ZBBX: variants seen among roughly 807,000 people sequenced by gnomAD.
The protein encoded by ZBBX is zinc finger B-box domain containing, also known as zinc finger B-box domain-containing protein 1.
A neutral mutation model predicts 108.5 loss-of-function variants in ZBBX; 101 were observed. The ratio of observed to expected loss-of-function variants is 0.93; its 90% confidence interval spans 0.79 to 1.10. The LOEUF is 1.10. Among genes scored for constraint, ZBBX ranks in the 50% least tolerant of loss-of-function variants. The probability of loss-of-function intolerance (pLI) is 0.00; values close to 1 mark genes in which losing one functional copy is unlikely to be tolerated. For missense variants in ZBBX, 1,009 were observed against 941.4 expected, an observed-to-expected ratio of 1.07 and a Z score of -0.94; for synonymous variants, 356 against 323.4, an observed-to-expected ratio of 1.10 and a Z score of -1.08.
At chr3:167,391,953 A>G (rs1748095758) in intron 1 of ZBBX, among the ~76,000 whole-genome samples, 1 of 151,730 alleles carries the variant, frequency 6.6e-6, no homozygotes, top group Non-Finnish European at 1.5e-5. Flanking sequence ...TGAAATCAAT[A>G]CTCTCACCTA....
chr3:167,186,098 TTTAACAATTTTATTATATCTTATAC>T, the ZBBX span, among the ~76,000 whole-genome samples: 1 of 151,800 alleles, frequency 6.6e-6, no homozygotes, highest in South Asian at 2.1e-4. Context: ...CAATTGAAGC[TTTAACAATTTTATTATATCTTATAC>T]TTACTGGTAG....
intron 5 of ZBBX, chr3:167,366,820 A>G (rs989580365): frequency 2.2e-6 from 1 of 455,932 alleles, no homozygotes; most frequent in African/African-American, 2.0e-5. Flanking sequence ...TCAGATGAGT[A>G]TCATGATCCA....
the ZBBX span, among the ~76,000 whole-genome samples, chr3:167,202,933 T>C: frequency 1.3e-5 from 2 of 152,122 alleles, no homozygotes; most frequent in African/African-American, 4.8e-5. Context: ...TATCTTACAA[T>C]AGGGAATAGT....
At chr3:167,230,749 G>A in the ZBBX span, among the ~76,000 whole-genome samples, 1 of 151,750 alleles carries the variant, frequency 6.6e-6, no homozygotes, top group African/African-American at 2.4e-5. Context: ...ATGAGCTTTG[G>A]AAGCGATTGG....
intron 12 of ZBBX, among the ~76,000 whole-genome samples, chr3:167,318,945 C>A (rs775028363): frequency 6.6e-6 from 1 of 151,734 alleles, no homozygotes; most frequent in Non-Finnish European, 1.5e-5. Context: ...GAAAAAAAAA[C>A]TGAATACCAA....
At chr3:167,181,643 A>C in the ZBBX span, among the ~76,000 whole-genome samples, 1 of 152,092 alleles carries the variant, frequency 6.6e-6, no homozygotes, top group African/African-American at 2.4e-5. Flanking sequence ...CTGTTCGTTT[A>C]ATTTCACTTT....
the ZBBX span, among the ~76,000 whole-genome samples, chr3:167,204,974 T>C: frequency 6.6e-6 from 1 of 151,552 alleles, no homozygotes. Flanking sequence ...GTTCTTACTA[T>C]TGATGGAGAA....
intron 20 of ZBBX, among the ~76,000 whole-genome samples, chr3:167,279,362 C>T (rs1313194888): frequency 6.6e-6 from 1 of 151,740 alleles, no homozygotes; most frequent in Non-Finnish European, 1.5e-5. Context: ...TGTCTCAGCC[C>T]AAAATCTCCT....
At position 167,317,599 on chromosome 3, in the gene ZBBX, T is replaced by C. The variant is rs769194974; in HGVS notation, c.984-2A>G. 6.3e-7 allele frequency: 1 copy of C among 1,597,378 alleles called. No homozygotes were observed. The highest frequency in any genetic ancestry group is 8.5e-7 in the Non-Finnish European group (1 of 1,171,160). ...TTAAAAAGTTGCTCTTGTGGAGTTC[T>C]ACAAAATAAGAAAGAAGCAATTAAG... On this transcript the variant is annotated splice_acceptor_variant, in intron 12 of 21. Transcript: ENST00000675490. LOFTEE classifies it high-confidence loss of function.
At chr3:167,282,548 T>TGGCCGAATAGGA in intron 19 of ZBBX, 53 bp from the exon 20 acceptor site, 2 of 1,435,556 alleles carry the variant, frequency 1.4e-6, no homozygotes, top group South Asian at 2.6e-5. Flanking sequence ...TTTGAATGAG[T>TGGCCGAATAGGA]ACTTAAAGAT....
At position 167,368,022 on chromosome 3, in the gene ZBBX, T is replaced by C. The variant is rs889818984; in HGVS notation, c.182+439A>G. On this transcript the variant is annotated intron_variant, in intron 5 of 21. Transcript: ENST00000675490. ...TATGTAATAGCATTTATTTTTCAGA[T>C]CTTCATTATGTATATATATGTGAAC... is the stretch of plus-strand genomic sequence containing the variant. Among the ~76,000 whole-genome samples, 6 of 148,144 alleles carry C rather than the reference T, an allele frequency of 4.1e-5. No individual in the cohort carries two copies. The East Asian group carries it at 7.9e-4, about 19-fold the overall frequency.
intron 20 of ZBBX, among the ~76,000 whole-genome samples, chr3:167,257,360 A>T (rs1039544301): frequency 1.3e-5 from 2 of 152,122 alleles, no homozygotes; most frequent in African/African-American, 2.4e-5. Flanking sequence ...ACAAACAAGG[A>T]TTATTTAATT....
the ZBBX span, among the ~76,000 whole-genome samples, chr3:167,226,701 A>G: frequency 1.3e-5 from 2 of 151,580 alleles, no homozygotes. Flanking sequence ...GTCTTTTCTC[A>G]TGCTTCAGAT....
chr3:167,274,293 T>C (rs551817769), intron 20 of ZBBX, among the ~76,000 whole-genome samples: 49 of 152,310 alleles, frequency 3.2e-4, no homozygotes, highest in Admixed American at 9.2e-4. Context: ...TCTCTTGCAG[T>C]CATGATAGGT....
intron 9 of ZBBX, among the ~76,000 whole-genome samples, chr3:167,339,521 C>T (rs1740164439): frequency 6.6e-6 from 1 of 152,082 alleles, no homozygotes; most frequent in African/African-American, 2.4e-5. Flanking sequence ...AGTGTTTTAA[C>T]TAGGATTTGT....
chr3:167,252,315 G>A (rs1171761490), intron 20 of ZBBX: 3 of 671,450 alleles, frequency 4.5e-6, no homozygotes, highest in African/African-American at 3.8e-5. Context: ...CAGTGGTGTG[G>A]AGGTGTATGT....
chr3:167,333,724 A>C (rs1313693238), intron 10 of ZBBX, 103 bp downstream of exon 10: 2 of 1,024,904 alleles, frequency 2.0e-6, no homozygotes, highest in East Asian at 2.6e-5. Context: ...TAAAAATGTG[A>C]TGAAATTATT....
chr3:167,263,105 T>C (rs1212424654), intron 20 of ZBBX, among the ~76,000 whole-genome samples: 2 of 144,444 alleles, frequency 1.4e-5, no homozygotes, highest in African/African-American at 5.1e-5. Flanking sequence ...TGATGTAATC[T>C]CAGCTCACTG....
At position 167,380,227 on chromosome 3, in the gene ZBBX, C is replaced by G. The variant is rs1382381145; in HGVS notation, c.-287+20G>C. On this transcript the variant is annotated intron_variant, in intron 1 of 21. Transcript: ENST00000675490. ...AGAGACCATCCTCCCCTCTCATCCA[C>G]CCGCAGACAGACAACCCACCTGGAG... The G allele has an allele frequency of 6.6e-6, 1 of 152,318 alleles. No individual in the cohort carries two copies. Among genetic ancestry groups the G allele is most frequent in the Non-Finnish European group, 1.5e-5 (1 of 68,118 alleles). The allele number at this position is 152,318 out of a possible 1,614,324, so 9.4% of individuals were successfully genotyped here.
Sources: gnomAD v4.1 joint callset for allele counts (sites outside exome capture counted in the v4.1 genomes callset) on GRCh38, gnomAD v4.1.1 for gene constraint, MANE v1.5 for transcripts, NCBI Gene and HGNC (gene_info 2026-07-23, HGNC 2026-07-21) for gene names.